TNRC6A: variants seen among roughly 807,000 people sequenced by gnomAD.
The protein encoded by TNRC6A is trinucleotide repeat containing adaptor 6A.
In TNRC6A, 44 loss-of-function variants were observed where a neutral mutation model predicts 221.2. The observed-to-expected ratio is 0.20, with a 90% CI of 0.16 to 0.26. The LOEUF is 0.26. Among genes scored for constraint, TNRC6A ranks in the 10% least tolerant of loss-of-function variants. TNRC6A has a pLI of 1.00. For synonymous variants in TNRC6A, 847 were observed against 838.5 expected (o/e 1.01, Z -0.18); for missense variants, 2,199 against 2,404.4 (o/e 0.91, Z 1.79).
At position 24,789,285 on chromosome 16, in the gene TNRC6A, G is replaced by A; in HGVS notation, c.643G>A (p.Val215Met). The A allele has an allele frequency of 6.2e-7, 1 of 1,613,378 alleles. No individual in the cohort carries two copies. Residue 215 changes from valine to methionine, a missense_variant, in exon 6 of 25, where the codon GTG (valine) becomes ATG (methionine). This residue lies in a region of TNRC6A where 1,405 missense variants were observed against 1,400.2 expected (regional missense o/e 1.00). Coordinates refer to ENST00000395799, the MANE Select transcript of TNRC6A (RefSeq NM_014494.4). ...TTATGAAAATTCCCAGCGGGGACCT[G>A]TGTCTTCTACAAGTGATTCTAGCAC... ...SHYENSQRGPVSSTSDSSTNC... is the reference protein window; with the variant it reads ...SHYENSQRGPMSSTSDSSTNC...
At chr16:24,782,159 C>T (rs570127808) in intron 5 of TNRC6A, among the ~76,000 whole-genome samples, 2 of 152,258 alleles carry the variant, frequency 1.3e-5, no homozygotes, top group Admixed American at 1.3e-4. Flanking sequence ...TTTCCCATCT[C>T]CCTTTGATAC....
chr16:24,610,922 T>C (rs1401962038), intron 1 of TNRC6A, among the ~76,000 whole-genome samples: 5 of 152,162 alleles, frequency 3.3e-5, no homozygotes, highest in Non-Finnish European at 1.5e-5. Context: ...GCGATTCTCC[T>C]GTCTCAGCCT....
intron 2 of TNRC6A, among the ~76,000 whole-genome samples, chr16:24,683,176 G>T (rs1008473374): frequency 6.6e-6 from 1 of 151,970 alleles, no homozygotes; most frequent in East Asian, 1.9e-4. Context: ...CAGTTTTTTG[G>T]GTTTTGGTGT....
intron 4 of TNRC6A, among the ~76,000 whole-genome samples, chr16:24,772,505 C>A (rs1008166099): frequency 6.0e-5 from 9 of 150,646 alleles, no homozygotes; most frequent in African/African-American, 2.2e-4. Context: ...AAAAAAAAAA[C>A]ACTATTAAAG....
intron 2 of TNRC6A, chr16:24,671,042 C>A: frequency 2.6e-6 from 1 of 384,858 alleles, no homozygotes; most frequent in Non-Finnish European, 5.4e-6. Flanking sequence ...CTCCTTTCCC[C>A]AGCAACCCTC....
At chr16:24,711,633 T>A (rs544845630) in intron 2 of TNRC6A, among the ~76,000 whole-genome samples, 347 of 151,906 alleles carry the variant, frequency 2.3e-3, no homozygotes, top group Non-Finnish European at 3.1e-3. Flanking sequence ...ATTATTATTT[T>A]GAAATTCATC....
intron 5 of TNRC6A, among the ~76,000 whole-genome samples, chr16:24,780,825 A>T (rs1421551432): frequency 2.0e-5 from 3 of 151,960 alleles, no homozygotes; most frequent in Non-Finnish European, 4.4e-5. Context: ...GGATGTTTTA[A>T]CCAAAAGTGT....
In TNRC6A at chr16:24,646,072, C is replaced by T. The variant is rs948191264; in HGVS notation, n.402+5063C>T. 1.6e-4 allele frequency among the ~76,000 whole-genome samples: 25 copies of T among 152,120 alleles called. No individual in the cohort carries two copies. The East Asian group carries it at 1.7e-3, about 11-fold the overall frequency. Reference sequence around the variant, plus strand: ...ATGTTAAAAATATGCAGAATCATTACTATTGATTTGTATTATGAAATGTTT... The same window carrying T: ...ATGTTAAAAATATGCAGAATCATTATTATTGATTTGTATTATGAAATGTTT... On this transcript the variant is annotated intron_variant and non_coding_transcript_variant, in intron 2 of 2. Transcript: ENST00000566108.
chr16:24,719,613 C>T (rs753122103), intron 2 of TNRC6A, among the ~76,000 whole-genome samples: 15 of 150,692 alleles, frequency 1.0e-4, no homozygotes, highest in Middle Eastern at 6.8e-3. Flanking sequence ...GAGCTGCAGT[C>T]ATGCCACTGT....
In TNRC6A at chr16:24,805,060, C is replaced by G. The variant is rs1241439050; in HGVS notation, c.4031C>G (p.Pro1344Arg). ...MFGVGNTAAQ[P>R]RGMQQPPAQP... ...GGTGTTGGAAACACAGCAGCACAACCCCGGGGCATGCAGCAGCCTCCAGCA... is the reference window on the plus strand; with the variant it reads ...GGTGTTGGAAACACAGCAGCACAACGCCGGGGCATGCAGCAGCCTCCAGCA... Residue 1344 changes from proline to arginine, a missense_variant, in exon 14 of 25, where the codon CCC becomes CGC. Coordinates refer to ENST00000395799, the MANE Select transcript of TNRC6A (RefSeq NM_014494.4). 1 of 1,614,036 alleles carries G rather than the reference C, an allele frequency of 6.2e-7. No homozygotes were observed. Among genetic ancestry groups the G allele is most frequent in the Non-Finnish European group, 8.5e-7 (1 of 1,180,028 alleles).
intron 2 of TNRC6A, among the ~76,000 whole-genome samples, chr16:24,673,967 A>G (rs1027225061): frequency 1.3e-5 from 2 of 152,246 alleles, no homozygotes; most frequent in Non-Finnish European, 2.9e-5. Flanking sequence ...ACGTCAGGTA[A>G]CATTCTCAGA....
At chr16:24,641,696 T>C (rs1255972911) in intron 2 of TNRC6A, among the ~76,000 whole-genome samples, 3 of 152,224 alleles carry the variant, frequency 2.0e-5, no homozygotes, top group African/African-American at 4.8e-5. Context: ...TATGAATTAT[T>C]TGTAAACATG....
chr16:24,774,407 A>T (rs1041823934), intron 4 of TNRC6A, among the ~76,000 whole-genome samples: 2 of 152,204 alleles, frequency 1.3e-5, no homozygotes, highest in Non-Finnish European at 2.9e-5. Flanking sequence ...TGTATTCCAC[A>T]TGGTACTTTA....
chr16:24,771,582 T>TTTTATGTTATGTTATGTTATGTTATGTTA, intron 4 of TNRC6A, among the ~76,000 whole-genome samples: 1 of 95,480 alleles, frequency 1.0e-5, no homozygotes. Context: ...TTATGTTATG[T>TTTTATGTTATGTTATGTTATGTTATGTTA]TGTTATGTTA....
intron 2 of TNRC6A, among the ~76,000 whole-genome samples, chr16:24,643,127 TATATATATATAA>T (rs372625599): frequency 0.45 from 60,214 of 134,498 alleles, 14,093 homozygotes; most frequent in South Asian, 0.55. Context: ...ATATATAAAA[TATATATATATAA>T]AAAATCCATC....
At chr16:24,822,448 C>T (rs2058784656) in intron 23 of TNRC6A, among the ~76,000 whole-genome samples, 1 of 152,174 alleles carries the variant, frequency 6.6e-6, no homozygotes, top group African/African-American at 2.4e-5. Context: ...GAATTTGACA[C>T]AGGTGGTCCT....
At chr16:24,716,822 G>T (rs138905024) in intron 2 of TNRC6A, among the ~76,000 whole-genome samples, 172 of 151,878 alleles carry the variant, frequency 1.1e-3, no homozygotes, top group African/African-American at 3.4e-3. Flanking sequence ...AACTGGGCAT[G>T]GTGGTGCACA....
intron 2 of TNRC6A, among the ~76,000 whole-genome samples, chr16:24,731,344 C>T (rs897610253): frequency 3.3e-5 from 5 of 152,028 alleles, no homozygotes; most frequent in Non-Finnish European, 7.4e-5. Flanking sequence ...TATTTTGCAC[C>T]GCGTAGAATT....
At chr16:24,736,959 C>G (rs2056782709) in intron 2 of TNRC6A, among the ~76,000 whole-genome samples, 1 of 152,144 alleles carries the variant, frequency 6.6e-6, no homozygotes, top group African/African-American at 2.4e-5. Context: ...TCAGCTTTGA[C>G]CAGTGATGAA....
Sources: allele counts gnomAD v4.1 joint callset (sites outside exome capture counted in the v4.1 genomes callset), GRCh38; gene constraint gnomAD v4.1.1; regional missense constraint gnomAD v4.1.1; transcripts MANE v1.5; gene names NCBI Gene and HGNC (gene_info 2026-07-23, HGNC 2026-07-21).